Variants in ZNF429 observed in about 807,000 individuals in gnomAD.
ZNF429 encodes zinc finger protein 429.
In ZNF429, 53 loss-of-function variants were observed where a neutral mutation model predicts 56.8. The observed-to-expected ratio is 0.93, with a 90% CI of 0.75 to 1.17. The LOEUF is 1.17. ZNF429 is among the 50% of genes most tolerant of loss of function. The pLI, the probability that ZNF429 is intolerant of heterozygous loss-of-function variation, is 0.00. For synonymous variants in ZNF429, 278 were observed against 264.7 expected, an observed-to-expected ratio of 1.05 and a Z score of -0.49; for missense variants, 849 against 788.4, an observed-to-expected ratio of 1.08 and a Z score of -0.92.
intron 1 of ZNF429, 147 bp downstream of exon 1, chr19:21,505,921 T>G: frequency 1.2e-6 from 1 of 834,814 alleles, no homozygotes; most frequent in Non-Finnish European, 1.9e-6. Flanking sequence ...TTCAGTCCCC[T>G]TCAGCCATAA....
intron 1 of ZNF429, among the ~76,000 whole-genome samples, chr19:21,511,380 G>A (rs575605829): frequency 2.0e-5 from 3 of 149,422 alleles, no homozygotes; most frequent in East Asian, 2.1e-4. Flanking sequence ...GGGCAGAGAC[G>A]CTCCTCACCT....
chr19:21,531,904 A>C, intron 3 of ZNF429, among the ~76,000 whole-genome samples: 1 of 150,762 alleles, frequency 6.6e-6, no homozygotes, highest in Non-Finnish European at 1.5e-5. Flanking sequence ...TAAACAGTAC[A>C]TTAAAACCTG....
chr19:21,530,425 A>G, intron 2 of ZNF429, among the ~76,000 whole-genome samples, 164 bp from the exon 3 acceptor site: 1 of 152,170 alleles, frequency 6.6e-6, no homozygotes, highest in Non-Finnish European at 1.5e-5. Context: ...AAGAACCTAA[A>G]AATTTTAAAT....
Position 21,531,121 on chromosome 19 carries a change from A to ACAAAAC in ZNF429, c.226+437_226+438insCAAAAC. Among the ~76,000 whole-genome samples, 27 of 104,894 alleles carry ACAAAAC rather than the reference A, an allele frequency of 2.6e-4. 2 individuals carry two copies. Among genetic ancestry groups the ACAAAAC allele is most frequent in the African/African-American group, 1.0e-3 (27 of 26,784 alleles). 68.8% of individuals were successfully genotyped at this position (104,894 alleles called of 152,430 possible). On this transcript the variant is annotated intron_variant, in intron 3 of 3. Transcript: ENST00000358491. ...AACTCCATCTCAAAAAAAAAAAAAAAAAAAAAAACCAAAAAAAAAAAAACA... is the reference window on the plus strand; with the variant it reads ...AACTCCATCTCAAAAAAAAAAAAAAACAAAACAAAAAAAACCAAAAAAAAAAAAACA...
At chr19:21,529,596 G>T in intron 1 of ZNF429, 62 bp from the exon 2 acceptor site, 1 of 1,356,426 alleles carries the variant, frequency 7.4e-7, no homozygotes, top group Non-Finnish European at 9.6e-7. Flanking sequence ...CTACCCATGG[G>T]CACTTGGTCA....
chr19:21,523,337 T>C (rs1160502999), intron 1 of ZNF429, among the ~76,000 whole-genome samples: 1 of 152,238 alleles, frequency 6.6e-6, no homozygotes, highest in African/African-American at 2.4e-5. Flanking sequence ...GCGAAAGTTA[T>C]TGCGGTTTTA....
In ZNF429 at chr19:21,530,290, T is replaced by G; in HGVS notation, c.131-299T>G. The stretch of plus-strand genomic sequence containing the variant: ...GAACTTTCCATATTCCTGAGCTGAT[T>G]TGTATTATGTACTCTTGATTAGTGA... On this transcript the variant is annotated intron_variant, in intron 2 of 3. Coordinates refer to ENST00000358491, the MANE Select transcript of ZNF429 (RefSeq NM_001001415.4). Among the ~76,000 whole-genome samples, 3 of 152,158 alleles carry G rather than the reference T, an allele frequency of 2.0e-5. No individual in the cohort carries two copies. In the South Asian group the frequency reaches 6.2e-4, roughly 31 times the overall value.
At chr19:21,523,386 A>G (rs1488384765) in intron 1 of ZNF429, among the ~76,000 whole-genome samples, 4 of 152,230 alleles carry the variant, frequency 2.6e-5, no homozygotes, top group Non-Finnish European at 5.9e-5. Context: ...TTACATTTGC[A>G]CCAACCTAAT....
In ZNF429 at chr19:21,539,371, A is replaced by G. The variant is rs1049840873; in HGVS notation, c.*1293A>G. On this transcript the variant is annotated 3_prime_UTR_variant, in exon 4 of 4. Transcript: ENST00000358491. ...ACTAAAGTTGTTAAATTATTTGTATATAACTTTTAAAAGAGTGGAAGATAT... is the reference window on the plus strand; with the variant it reads ...ACTAAAGTTGTTAAATTATTTGTATGTAACTTTTAAAAGAGTGGAAGATAT... 2.0e-5 allele frequency among the ~76,000 whole-genome samples: 3 copies of G among 152,170 alleles called. No individual in the cohort carries two copies. Among genetic ancestry groups the G allele is most frequent in the African/African-American group, 7.2e-5 (3 of 41,436 alleles).
Position 21,537,823 on chromosome 19 carries a change from G to A in ZNF429, c.1770G>A (p.Glu590=), listed in dbSNP as rs1463085470. 3.7e-6 allele frequency: 6 copies of A among 1,613,698 alleles called. No homozygotes were observed. In the East Asian group the frequency reaches 6.7e-5, roughly 18 times the overall value. The change falls in exon 4 of 4, where the codon GAG becomes GAA. Residue 590 remains glutamate, a synonymous_variant. Coordinates refer to ENST00000358491, the MANE Select transcript of ZNF429 (RefSeq NM_001001415.4). ...LSSHKKIHSG[E]KPYKCEECGK... is the part of the protein sequence containing the mutation. ...GTCATAAGAAAATTCATAGTGGAGA[G>A]AAACCCTACAAATGTGAAGAATGTG...
At chr19:21,513,227 A>T (rs1318805849) in intron 1 of ZNF429, among the ~76,000 whole-genome samples, 1 of 152,100 alleles carries the variant, frequency 6.6e-6, no homozygotes, top group African/African-American at 2.4e-5. Flanking sequence ...CACACAAAGG[A>T]TAGAGAATTT....
intron 3 of ZNF429, among the ~76,000 whole-genome samples, chr19:21,533,013 A>ATT: frequency 7.0e-6 from 1 of 143,470 alleles, no homozygotes; most frequent in South Asian, 2.2e-4. Context: ...TTTTTTTTTC[A>ATT]TTTCTAAGTA....
At chr19:21,525,288 T>G (rs1305169303) in intron 1 of ZNF429, among the ~76,000 whole-genome samples, 1 of 152,220 alleles carries the variant, frequency 6.6e-6, no homozygotes, top group Non-Finnish European at 1.5e-5. Flanking sequence ...TTGCTTAAAT[T>G]GCTTATTAGT....
Position 21,526,293 on chromosome 19 carries a change from A to T in ZNF429, c.4-3365A>T, listed in dbSNP as rs996960064. On this transcript the variant is annotated intron_variant, in intron 1 of 3. Coordinates refer to ENST00000358491, the MANE Select transcript of ZNF429 (RefSeq NM_001001415.4). ...TGCACCCATCACCCAAGCAGTTTACACTACACCCATTTGTAGTCTTCTATC... is the reference window on the plus strand; with the variant it reads ...TGCACCCATCACCCAAGCAGTTTACTCTACACCCATTTGTAGTCTTCTATC... Among the ~76,000 whole-genome samples the T allele has an allele frequency of 1.5e-4, 23 of 151,952 alleles. No individual in the cohort carries two copies. In the South Asian group the frequency reaches 2.5e-3, roughly 16 times the overall value.
At chr19:21,508,382 G>A (rs2032287169) in intron 1 of ZNF429, among the ~76,000 whole-genome samples, 1 of 152,190 alleles carries the variant, frequency 6.6e-6, no homozygotes, top group Non-Finnish European at 1.5e-5. Context: ...TGGTTATTGA[G>A]TACTTAAGTG....
rs199514827 is a variant in ZNF429 at position 21,530,632 on chromosome 19, A to G, written c.174A>G (p.Lys58=). Residue 58 remains lysine (K), a synonymous_variant, in exon 3 of 4, where the codon AAA becomes AAG. Coordinates refer to ENST00000358491, the MANE Select transcript of ZNF429 (RefSeq NM_001001415.4). ...SKPDLITCLE[K]EKEPCKMKRH... ...CAGACCTAATCACTTGTCTAGAGAA[A>G]GAAAAAGAACCCTGCAAGATGAAGC... 3.7e-6 allele frequency: 6 copies of G among 1,612,492 alleles called. No individual in the cohort carries two copies. Among genetic ancestry groups the G allele is most frequent in the South Asian group, 1.1e-5 (1 of 90,782 alleles).
chr19:21,530,429 T>G, intron 2 of ZNF429, among the ~76,000 whole-genome samples, 160 bp from the exon 3 acceptor site: 1 of 152,142 alleles, frequency 6.6e-6, no homozygotes, highest in Non-Finnish European at 1.5e-5. Flanking sequence ...ACCTAAAAAT[T>G]TTAAATATTT....
chr19:21,512,569 C>T (rs2145421925), intron 1 of ZNF429, among the ~76,000 whole-genome samples: 1 of 146,440 alleles, frequency 6.8e-6, no homozygotes, highest in African/African-American at 2.5e-5. Context: ...GAGACAGAGG[C>T]AGGAGAATCA....
chr19:21,529,779 T>C lies in ZNF429; in HGVS notation c.125T>C (p.Phe42Ser). ...VMLENYRNLV[F>S]LGIAVSKPDL... ...TTAGAGAACTACAGAAACTTGGTCT[T>C]CCTGGGTGAGAATAACTTCAATACA... Residue 42 changes from phenylalanine to serine, a missense_variant, in exon 2 of 4, where the codon TTC becomes TCC. Coordinates refer to ENST00000358491, the MANE Select transcript of ZNF429 (RefSeq NM_001001415.4). The C allele has an allele frequency of 6.4e-7, 1 of 1,574,692 alleles. No homozygotes were observed.
Sources: allele counts gnomAD v4.1 joint callset (sites outside exome capture counted in the v4.1 genomes callset), GRCh38; gene constraint gnomAD v4.1.1; transcripts MANE v1.5; gene names NCBI Gene and HGNC (gene_info 2026-07-23, HGNC 2026-07-21).